The following MCF2L2 variants were observed in gnomAD, a reference collection of about 807,000 sequenced individuals.
MCF2L2 encodes probable guanine nucleotide exchange factor MCF2L2.
A neutral mutation model predicts 150.2 loss-of-function variants in MCF2L2; 102 were observed. The ratio of observed to expected loss-of-function variants is 0.68; its 90% CI spans 0.58 to 0.80. The LOEUF (loss-of-function observed/expected upper bound fraction) is 0.80. MCF2L2 is among the 30% of genes least tolerant of loss of function. The pLI is 0.00. For missense variants in MCF2L2, 1,256 were observed against 1,372.8 expected (o/e 0.91, Z 1.34); for synonymous variants, 465 against 491.3 (o/e 0.95, Z 0.71).
chr3:183,195,228 C>T lies in MCF2L2; in HGVS notation c.2912G>A (p.Ser971Asn). The change falls in exon 26 of 30, where the codon AGC (serine) becomes AAC (asparagine). Residue 971 changes from serine (S) to asparagine (N), a missense_variant. Transcript: ENST00000328913. ...TAAAAAAATCAGTACTCACCTCGTG[C>T]TCATTTCAAACTGTGGATTTCCTTG... is the stretch of plus-strand genomic sequence containing the variant. ...KDQGNPQFEM[S>N]TSKGSGAGSG... 6.2e-7 allele frequency: 1 copy of T among 1,605,160 alleles called. No homozygotes were observed. The highest frequency in any genetic ancestry group is 2.2e-5 in the East Asian group (1 of 44,686).
intron 21 of MCF2L2, among the ~76,000 whole-genome samples, chr3:183,217,913 A>C (rs1465674210): frequency 6.6e-6 from 1 of 152,230 alleles, no homozygotes; most frequent in Non-Finnish European, 1.5e-5. Context: ...TTCAGCTCTA[A>C]AGGCTTTTGC....
chr3:183,249,414 CCT>C (rs1233174431), intron 15 of MCF2L2, among the ~76,000 whole-genome samples: 1 of 152,224 alleles, frequency 6.6e-6, no homozygotes, highest in Non-Finnish European at 1.5e-5. Flanking sequence ...CGAAACTGTC[CCT>C]GTCCCTGTCC....
chr3:183,317,466 G>A (rs1220577979), intron 7 of MCF2L2, among the ~76,000 whole-genome samples: 4 of 152,162 alleles, frequency 2.6e-5, no homozygotes, highest in South Asian at 2.1e-4. Context: ...CCCTTTTCTC[G>A]GCAGGTTCTG....
chr3:183,427,200 T>C (rs1357938393), intron 1 of MCF2L2, among the ~76,000 whole-genome samples: 1 of 152,160 alleles, frequency 6.6e-6, no homozygotes, highest in Non-Finnish European at 1.5e-5. Flanking sequence ...AAAAACTGAC[T>C]GGGAACTGTC....
At chr3:183,388,390 C>A (rs1713952158) in intron 2 of MCF2L2, among the ~76,000 whole-genome samples, 1 of 152,188 alleles carries the variant, frequency 6.6e-6, no homozygotes, top group Non-Finnish European at 1.5e-5. Flanking sequence ...AGACCCCATT[C>A]TGCCTTTTGT....
intron 1 of MCF2L2, among the ~76,000 whole-genome samples, chr3:183,411,060 G>A (rs2108621986): frequency 6.6e-6 from 1 of 152,286 alleles, no homozygotes; most frequent in East Asian, 1.9e-4. Context: ...ACTAGCAGTG[G>A]TCAGGAACTC....
intron 2 of MCF2L2, among the ~76,000 whole-genome samples, chr3:183,384,548 G>A (rs1456671683): frequency 6.6e-6 from 1 of 151,874 alleles, no homozygotes; most frequent in Non-Finnish European, 1.5e-5. Flanking sequence ...CCCCGCCCAG[G>A]AACTGACTAA....
intron 3 of MCF2L2, among the ~76,000 whole-genome samples, chr3:183,358,944 C>T (rs1460612395): frequency 6.6e-6 from 1 of 151,610 alleles, no homozygotes; most frequent in Admixed American, 6.6e-5. Context: ...GAAAAGATAA[C>T]ATTAAATGTT....
intron 13 of MCF2L2, among the ~76,000 whole-genome samples, chr3:183,291,819 G>T (rs1728163121): frequency 6.6e-6 from 1 of 152,230 alleles, no homozygotes; most frequent in Non-Finnish European, 1.5e-5. Flanking sequence ...TTTATTCTGG[G>T]AAGGAGTGTT....
intron 13 of MCF2L2, among the ~76,000 whole-genome samples, chr3:183,293,177 C>T (rs769794805): frequency 5.3e-5 from 8 of 152,160 alleles, no homozygotes; most frequent in Non-Finnish European, 8.8e-5. Context: ...TCTGCAAACA[C>T]TAAGCATGAG....
At position 183,195,303 on chromosome 3, in the gene MCF2L2, T is replaced by C. The variant is rs1426818440; in HGVS notation, c.2885-48A>G. 5.2e-6 allele frequency: 7 copies of C among 1,352,572 alleles called. No homozygotes were observed. In the African/African-American group the frequency reaches 7.3e-5, roughly 14 times the overall value. 83.8% of individuals were successfully genotyped at this position (1,352,572 alleles called of 1,614,324 possible). A position where few individuals can be genotyped will look rare whatever the true frequency, so the allele number is the denominator to read the frequency against. ...ACAGCACTCTCAAATTTAAGCTAAT[T>C]TGAATTGATTTTACATAGTGATTTT... On this transcript the variant is annotated intron_variant, in intron 25 of 29. Transcript: ENST00000328913.
chr3:183,427,696 C>G (rs1322933588), intron 1 of MCF2L2, among the ~76,000 whole-genome samples: 1 of 152,018 alleles, frequency 6.6e-6, no homozygotes, highest in African/African-American at 2.4e-5. Flanking sequence ...GCCTCGGCCC[C>G]CCGACCCCCA....
chr3:183,389,654 C>T (rs1317507370), intron 2 of MCF2L2, 42 bp downstream of exon 2: 1 of 1,527,324 alleles, frequency 6.5e-7, no homozygotes, highest in Non-Finnish European at 9.1e-7. Context: ...CATCAAGACC[C>T]CCCCATCAAA....
At chr3:183,371,632 T>A (rs1368195054) in intron 3 of MCF2L2, among the ~76,000 whole-genome samples, 4 of 123,464 alleles carry the variant, frequency 3.2e-5, no homozygotes, top group Non-Finnish European at 6.2e-5. Context: ...CAGGCCCAGA[T>A]AATTTTTCTT....
In MCF2L2 at chr3:183,386,174, T is replaced by G. The variant is rs116249590; in HGVS notation, c.160+3522A>C. 3.7e-3 allele frequency among the ~76,000 whole-genome samples: 558 copies of G among 152,342 alleles called. 6 individuals are homozygous for G. Among genetic ancestry groups the G allele is most frequent in the African/African-American group, 0.013 (529 of 41,572 alleles). The stretch of plus-strand genomic sequence containing the variant: ...TTCTTACAGATGAAAAACTGGGGTT[T>G]GGAGCCACCTACTGGTTGTGTTGGA... On this transcript the variant is annotated intron_variant, in intron 2 of 29. Transcript: ENST00000328913.
intron 12 of MCF2L2, among the ~76,000 whole-genome samples, chr3:183,295,993 T>G (rs1321837942): frequency 6.6e-6 from 1 of 152,144 alleles, no homozygotes. Context: ...GAATACAATG[T>G]GGCTTGTGTC....
intron 1 of MCF2L2, among the ~76,000 whole-genome samples, chr3:183,409,186 G>A (rs966612742): frequency 1.3e-5 from 2 of 152,102 alleles, no homozygotes; most frequent in African/African-American, 4.8e-5. Context: ...CCAACTTTTC[G>A]AGTGGCTCAT....
chr3:183,350,708 T>C (rs185845295), intron 3 of MCF2L2, among the ~76,000 whole-genome samples: 1 of 152,116 alleles, frequency 6.6e-6, no homozygotes, highest in East Asian at 1.9e-4. Flanking sequence ...ATCGAGACCA[T>C]CCTGTCTAAC....
In MCF2L2 at chr3:183,321,639, C is replaced by T. The variant is rs138135176; in HGVS notation, c.603+1596G>A. ...AAAAAAATTGCAATATCTGTGAAGC[C>T]CACTAATGTGAAGCATAATAAAATG... On this transcript the variant is annotated intron_variant, in intron 6 of 29. Coordinates refer to ENST00000328913, the MANE Select transcript of MCF2L2 (RefSeq NM_015078.4). Among the ~76,000 whole-genome samples the T allele has an allele frequency of 1.2e-3, 177 of 152,152 alleles. 4 individuals are homozygous for T. In the East Asian group the frequency reaches 0.029, roughly 25 times the overall value.
Sources: gnomAD v4.1 joint callset for allele counts (sites outside exome capture counted in the v4.1 genomes callset) on GRCh38, gnomAD v4.1.1 for gene constraint, MANE v1.5 for transcripts, NCBI Gene and HGNC (gene_info 2026-07-23, HGNC 2026-07-21) for gene names.